The following PRKN variants were observed in gnomAD, a reference collection of about 807,000 sequenced individuals.
The protein encoded by PRKN is parkin RBR E3 ubiquitin protein ligase.
In PRKN, 56 loss-of-function variants were observed where a neutral mutation model predicts 59.5. The observed-to-expected ratio is 0.94, with a 90% CI of 0.76 to 1.18. PRKN has a LOEUF of 1.18. PRKN is among the 50% of genes most tolerant of loss of function. The pLI is 0.00. For missense variants in PRKN, 657 were observed against 596.4 expected (o/e 1.10, Z -1.06); for synonymous variants, 250 against 222.1 (o/e 1.13, Z -1.12).
Position 161,357,242 on chromosome 6 carries a change from G to T in PRKN, c.1285+2846C>A, listed in dbSNP as rs368554320. 2.0e-5 allele frequency among the ~76,000 whole-genome samples: 3 copies of T among 152,222 alleles called. No homozygotes were observed. The highest frequency in any genetic ancestry group is 2.1e-4 in the South Asian group (1 of 4,812). ...AACTTTTCTATTTTTAGTGGAGACG[G>T]GGTTTCGCCATGTTGGCCAGGCTGG... On this transcript the variant is annotated intron_variant, in intron 11 of 11. Transcript: ENST00000366898. This position sits in a 1 kb window ranked among gnomAD's most constrained non-coding sequence, Gnocchi z 5.5.
intron 1 of PRKN, among the ~76,000 whole-genome samples, chr6:162,638,908 C>T (rs921877758): frequency 2.6e-5 from 4 of 151,976 alleles, no homozygotes; most frequent in African/African-American, 9.7e-5. Flanking sequence ...CCACACCCAG[C>T]TAATTTTTTA....
intron 9 of PRKN, among the ~76,000 whole-genome samples, chr6:161,542,196 T>C (rs1454604065): frequency 6.6e-6 from 1 of 152,244 alleles, no homozygotes; most frequent in African/African-American, 2.4e-5. Context: ...CATAAGAATA[T>C]AGTATATAAT....
chr6:162,616,200 A>C (rs909553385), intron 1 of PRKN, among the ~76,000 whole-genome samples: 7 of 152,194 alleles, frequency 4.6e-5, no homozygotes, highest in Non-Finnish European at 8.8e-5. Flanking sequence ...CCCTGACCCC[A>C]CTGCCTTCTG....
chr6:161,855,622 G>T (rs1310015081), intron 6 of PRKN, among the ~76,000 whole-genome samples: 3 of 151,830 alleles, frequency 2.0e-5, no homozygotes, highest in Non-Finnish European at 4.4e-5. Context: ...TATGCTATAG[G>T]GTAAGCTCAA....
Position 161,417,006 on chromosome 6 carries a change from A to AG in PRKN, c.1084-30130dup, listed in dbSNP as rs1787881453. 6.6e-6 allele frequency among the ~76,000 whole-genome samples: 1 copy of AG among 152,180 alleles called. No individual in the cohort carries two copies. Among genetic ancestry groups the AG allele is most frequent in the Non-Finnish European group, 1.5e-5 (1 of 68,036 alleles). ...AGGAAGATGGAGGAAAGAACTCTGG[A>AG]GGGAGATGGGGCCGAGGAAGGAGTA... On this transcript the variant is annotated intron_variant, in intron 9 of 11. Transcript: ENST00000366898. This position sits in a 1 kb window ranked among gnomAD's most constrained non-coding sequence, Gnocchi z 5.4.
chr6:161,818,596 G>C (rs1231746291), intron 6 of PRKN, among the ~76,000 whole-genome samples: 2 of 151,998 alleles, frequency 1.3e-5, no homozygotes, highest in African/African-American at 4.8e-5. Context: ...GGACTCCCTA[G>C]TGCTGGGATT....
rs1196503986 is a variant in PRKN, at chr6:161,462,233, T to A, written c.1084-75356A>T. Among the ~76,000 whole-genome samples the A allele has an allele frequency of 6.6e-6, 1 of 152,202 alleles. No individual in the cohort carries two copies. The highest frequency in any genetic ancestry group is 2.4e-5 in the African/African-American group (1 of 41,454). On this transcript the variant is annotated intron_variant, in intron 9 of 11. Transcript: ENST00000366898. The surrounding 1 kb of genome is among the most constrained non-coding windows in gnomAD (Gnocchi z 4.5). The stretch of plus-strand genomic sequence containing the variant: ...GTCTAGTCCATCTAGAGAGATCAGA[T>A]CAAAAGTGAGCCTGAATCATTTACA...
At chr6:161,771,023 G>A (rs1047801311) in intron 7 of PRKN, among the ~76,000 whole-genome samples, 3 of 152,040 alleles carry the variant, frequency 2.0e-5, no homozygotes, top group Non-Finnish European at 2.9e-5. Flanking sequence ...TAAGCCACCC[G>A]GGCTGCGGTA....
chr6:162,471,472 C>T (rs1465556899), intron 1 of PRKN, among the ~76,000 whole-genome samples: 1 of 152,176 alleles, frequency 6.6e-6, no homozygotes. Flanking sequence ...AGACCTTTTG[C>T]CTTTATTCCC....
Position 161,480,852 on chromosome 6 carries a change from T to A in PRKN, c.1083+68002A>T, listed in dbSNP as rs530903941. On this transcript the variant is annotated intron_variant, in intron 9 of 11. Transcript: ENST00000366898. The surrounding 1 kb of genome is among the most constrained non-coding windows in gnomAD (Gnocchi z 4.1). The stretch of plus-strand genomic sequence containing the variant: ...TTTTAATTTCATTGCTATAACTAAT[T>A]AGCATTAGAGAAACCATTTTCATAA... 6.6e-6 allele frequency among the ~76,000 whole-genome samples: 1 copy of A among 152,204 alleles called. No individual in the cohort carries two copies. The highest frequency in any genetic ancestry group is 1.5e-5 in the Non-Finnish European group (1 of 68,034).
Position 161,783,543 on chromosome 6 carries a change from T to C in PRKN, c.871+2229A>G, listed in dbSNP as rs192535593. 1,551 of 462,694 alleles carry C rather than the reference T, an allele frequency of 3.4e-3. 16 individuals carry two copies. The highest frequency in any genetic ancestry group is 0.028 in the African/African-American group (1,367 of 48,298). The allele number at this position is 462,694 out of a possible 1,614,324, so 28.7% of individuals were successfully genotyped here. On this transcript the variant is annotated intron_variant, in intron 7 of 11. Coordinates refer to ENST00000366898, the MANE Select transcript of PRKN (RefSeq NM_004562.3). ...CCTTACTTTTGTATGTTTGAAATCG[T>C]CTAAAATAAAAAGATACACATTAAA...
chr6:161,670,098 ACTT>A (rs1784855420), intron 7 of PRKN, among the ~76,000 whole-genome samples: 1 of 152,066 alleles, frequency 6.6e-6, no homozygotes, highest in South Asian at 2.1e-4. Flanking sequence ...TGACCTCATA[ACTT>A]CTTTTCTGTT....
At chr6:162,227,932 TTA>T (rs1778251846) in intron 3 of PRKN, among the ~76,000 whole-genome samples, 1 of 137,044 alleles carries the variant, frequency 7.3e-6, no homozygotes, top group Non-Finnish European at 1.6e-5. Context: ...AGTAGTTCCA[TTA>T]AAAAAAAAAA....
At position 162,394,114 on chromosome 6, in the gene PRKN, A is replaced by G. The variant is rs150066154; in HGVS notation, c.171+49196T>C. 1.8e-3 allele frequency among the ~76,000 whole-genome samples: 268 copies of G among 152,296 alleles called. 1 individual carries two copies. Among genetic ancestry groups the G allele is most frequent in the African/African-American group, 5.7e-3 (236 of 41,558 alleles). ...TTTCCTATTTTCCCATAATATTAACAAACATTTACGTATTTGAGAAAGAAT... is the reference window on the plus strand; with the variant it reads ...TTTCCTATTTTCCCATAATATTAACGAACATTTACGTATTTGAGAAAGAAT... On this transcript the variant is annotated intron_variant, in intron 2 of 11. Transcript: ENST00000366898.
intron 8 of PRKN, among the ~76,000 whole-genome samples, chr6:161,553,444 C>T (rs780251425): frequency 6.6e-6 from 1 of 151,984 alleles, no homozygotes; most frequent in Non-Finnish European, 1.5e-5. Context: ...TCTCTGTCCT[C>T]CTTTCTCCTC....
At chr6:162,027,835 G>A (rs898971358) in intron 5 of PRKN, among the ~76,000 whole-genome samples, 15 of 151,898 alleles carry the variant, frequency 9.9e-5, no homozygotes, top group Non-Finnish European at 1.5e-5. Context: ...TAGGGAGAAA[G>A]TGGAGAGGAG....
intron 1 of PRKN, among the ~76,000 whole-genome samples, chr6:162,540,027 T>C (rs1328782451): frequency 6.6e-6 from 1 of 152,068 alleles, no homozygotes. Flanking sequence ...GTGGTTCTCC[T>C]ACCTCAACCT....
Position 162,621,669 on chromosome 6 carries a change from TTTA to T in PRKN, c.7+105990_7+105992del, listed in dbSNP as rs1782671648. 5.3e-5 allele frequency among the ~76,000 whole-genome samples: 8 copies of T among 152,342 alleles called. No homozygotes were observed. In the South Asian group the frequency reaches 1.7e-3, roughly 32 times the overall value. Reference sequence around the variant, plus strand: ...AGCTTATAAAATGTTGTCATGAAACTTTATTTTCTGCCTTTCATTGTCTTATTA... The same window carrying T: ...AGCTTATAAAATGTTGTCATGAAACTTTTTCTGCCTTTCATTGTCTTATTA... On this transcript the variant is annotated intron_variant, in intron 1 of 11. Transcript: ENST00000366898.
intron 8 of PRKN, among the ~76,000 whole-genome samples, chr6:161,557,274 A>C (rs1318459689): frequency 2.0e-5 from 3 of 152,214 alleles, no homozygotes; most frequent in Non-Finnish European, 4.4e-5. Context: ...AAAAGTATTC[A>C]TTTTAAAGCA....
Sources: gnomAD v4.1 joint callset for allele counts (sites outside exome capture counted in the v4.1 genomes callset) on GRCh38, gnomAD v4.1.1 for gene constraint, Gnocchi (gnomAD v3.1) non-coding constraint, MANE v1.5 for transcripts, NCBI Gene and HGNC (gene_info 2026-07-23, HGNC 2026-07-21) for gene names.